The following ASH1L variants were observed in gnomAD, a reference collection of about 807,000 sequenced individuals.
ASH1L encodes histone-lysine N-methyltransferase ASH1L.
In ASH1L, 23 loss-of-function variants were observed where a neutral mutation model predicts 269.0. The ratio of observed to expected loss-of-function variants is 0.09; its 90% CI spans 0.06 to 0.12. The LOEUF is 0.12. Ranked by LOEUF, ASH1L falls within the 10% of genes least tolerant of loss-of-function variation. The probability of loss-of-function intolerance (pLI) is 1.00; values close to 1 mark genes in which losing one functional copy is unlikely to be tolerated. For missense variants in ASH1L, 2,912 were observed against 3,567.8 expected, an observed-to-expected ratio of 0.82 and a Z score of 4.68; for synonymous variants, 1,187 against 1,253.5, an observed-to-expected ratio of 0.95 and a Z score of 1.12.
At chr1:155,496,523 C>T (rs1003700578) in intron 2 of ASH1L, among the ~76,000 whole-genome samples, 2 of 152,192 alleles carry the variant, frequency 1.3e-5, no homozygotes, top group East Asian at 1.9e-4. Flanking sequence ...ACAGAACTAC[C>T]GGTTCTAATG....
chr1:155,360,232 G>A, intron 13 of ASH1L, 69 bp downstream of exon 13: 1 of 1,075,500 alleles, frequency 9.3e-7, no homozygotes, highest in Non-Finnish European at 1.4e-6. Context: ...CATGTTTACA[G>A]AAAGCTCATG....
At chr1:155,344,137 C>CA in intron 22 of ASH1L, 46 bp downstream of exon 22, 1 of 1,543,264 alleles carries the variant, frequency 6.5e-7, no homozygotes, top group Non-Finnish European at 8.9e-7. Flanking sequence ...TCCTACTATT[C>CA]AGAAAGGTCA....
At chr1:155,492,308 G>C (rs536561869) in intron 2 of ASH1L, among the ~76,000 whole-genome samples, 1 of 152,256 alleles carries the variant, frequency 6.6e-6, no homozygotes, top group Admixed American at 6.5e-5. Context: ...CTCCCAAAGT[G>C]CTGGGATTAC....
chr1:155,550,517 C>T (rs1671125752), intron 1 of ASH1L, among the ~76,000 whole-genome samples: 2 of 152,170 alleles, frequency 1.3e-5, no homozygotes, highest in Admixed American at 1.3e-4. Context: ...ACTGTTTTAG[C>T]CCTTTTCTAT....
chr1:155,560,770 A>C (rs1671905942), intron 1 of ASH1L, among the ~76,000 whole-genome samples: 1 of 152,190 alleles, frequency 6.6e-6, no homozygotes, highest in African/African-American at 2.4e-5. Flanking sequence ...TAAGCTGTGA[A>C]AGCCTTCTCT....
At chr1:155,488,053 AT>A (rs1323763116) in intron 2 of ASH1L, among the ~76,000 whole-genome samples, 5 of 151,600 alleles carry the variant, frequency 3.3e-5, no homozygotes, top group African/African-American at 1.2e-4. Flanking sequence ...GGCCCAGCTA[AT>A]TTTTGAATTT....
chr1:155,370,794 G>T lies in ASH1L; in HGVS notation c.6522C>A (p.Val2174=). The T allele has an allele frequency of 6.2e-7, 1 of 1,614,150 alleles. No individual in the cohort carries two copies. Among genetic ancestry groups the T allele is most frequent in the Non-Finnish European group, 8.5e-7 (1 of 1,180,034 alleles). The change falls in exon 11 of 28, where the codon GTC becomes GTA. Residue 2174 remains valine, a synonymous_variant. Coordinates refer to ENST00000392403, the MANE Select transcript of ASH1L (RefSeq NM_018489.3). ...QFIIEYLGEV[V]SEQEFRNRMI... ...CACCGTACCTGAACTCCTGTTCACT[G>T]ACGACCTCCCCTAGGTATTCAATGA...
intron 1 of ASH1L, among the ~76,000 whole-genome samples, chr1:155,559,462 G>C (rs1276637598): frequency 6.7e-6 from 1 of 150,308 alleles, no homozygotes; most frequent in African/African-American, 2.4e-5. Flanking sequence ...TTGAACCCAG[G>C]AGGCAGAGGT....
intron 2 of ASH1L, among the ~76,000 whole-genome samples, chr1:155,486,749 TTAAA>T (rs942847204): frequency 3.0e-4 from 46 of 152,270 alleles, no homozygotes; most frequent in Middle Eastern, 6.8e-3. Context: ...GCAGTTTGTT[TTAAA>T]TATTTTTAAA....
rs1299875433 is a variant in ASH1L, at chr1:155,344,259, G to A, written c.7905C>T (p.Ile2635=). Residue 2635 remains isoleucine (I), a synonymous_variant, in exon 22 of 28, where the codon ATC becomes ATT. Coordinates refer to ENST00000392403, the MANE Select transcript of ASH1L (RefSeq NM_018489.3). ...CAGGTTGGGCATAGTGGGGCCGAGG[G>A]ATCATGGGAACCTCCTGATAGGAGC... The part of the protein sequence containing the change: ...PRPVDREVPM[I]PRPHYAQPGC... The A allele has an allele frequency of 6.2e-7, 1 of 1,614,066 alleles. No individual in the cohort carries two copies.
intron 3 of ASH1L, among the ~76,000 whole-genome samples, chr1:155,460,565 G>A (rs1044839297): frequency 3.9e-5 from 6 of 152,084 alleles, no homozygotes; most frequent in African/African-American, 7.2e-5. Context: ...CCGAGATTGC[G>A]CCATTGCACT....
chr1:155,450,620 A>G (rs1663393486), intron 4 of ASH1L, among the ~76,000 whole-genome samples: 1 of 152,232 alleles, frequency 6.6e-6, no homozygotes, highest in Non-Finnish European at 1.5e-5. Context: ...ATGGCACACC[A>G]TTGTGGAAAA....
chr1:155,521,731 CAGTT>C (rs1401397868), intron 1 of ASH1L, 113 bp from the exon 2 acceptor site: 17 of 457,370 alleles, frequency 3.7e-5, no homozygotes, highest in African/African-American at 2.0e-4. Flanking sequence ...AAAAAAATCA[CAGTT>C]AGATCGAAAT....
chr1:155,374,815 TTTC>T (rs1447051713), intron 10 of ASH1L, among the ~76,000 whole-genome samples: 3 of 152,068 alleles, frequency 2.0e-5, no homozygotes, highest in Non-Finnish European at 4.4e-5. Context: ...ACACCTATAT[TTTC>T]TTCTTTTCTT....
chr1:155,541,067 T>C (rs774959727), intron 1 of ASH1L, among the ~76,000 whole-genome samples: 8 of 152,308 alleles, frequency 5.3e-5, no homozygotes, highest in Non-Finnish European at 1.2e-4. Context: ...ATATCCATAC[T>C]ATAAGTCTCT....
intron 2 of ASH1L, among the ~76,000 whole-genome samples, chr1:155,491,662 G>C (rs1412132270): frequency 6.6e-6 from 1 of 151,848 alleles, no homozygotes; most frequent in East Asian, 1.9e-4. Context: ...GTTTGTTTTG[G>C]GGTTTTTTCT....
intron 1 of ASH1L, among the ~76,000 whole-genome samples, chr1:155,532,056 T>C (rs1669708643): frequency 6.6e-6 from 1 of 152,238 alleles, no homozygotes; most frequent in African/African-American, 2.4e-5. Context: ...TACTACAATA[T>C]ATTCAACTTA....
intron 2 of ASH1L, among the ~76,000 whole-genome samples, chr1:155,483,318 C>T (rs1157065175): frequency 2.6e-5 from 4 of 152,126 alleles, no homozygotes; most frequent in African/African-American, 9.7e-5. Context: ...AAAATACCAA[C>T]AGATTTCTTT....
chr1:155,342,657 A>G (rs1032992458), intron 24 of ASH1L, among the ~76,000 whole-genome samples: 1 of 152,186 alleles, frequency 6.6e-6, no homozygotes, highest in Non-Finnish European at 1.5e-5. Flanking sequence ...AACTAGGCTG[A>G]GTGCTTTTGT....
Sources: allele counts gnomAD v4.1 joint callset (sites outside exome capture counted in the v4.1 genomes callset), GRCh38; gene constraint gnomAD v4.1.1; transcripts MANE v1.5; gene names NCBI Gene and HGNC (gene_info 2026-07-23, HGNC 2026-07-21).